Variants in AP3B2 observed in about 807,000 individuals in gnomAD.
AP3B2 encodes adaptor related protein complex 3 subunit beta 2, also known as AP-3 complex subunit beta-2.
AP3B2 carries 50 observed loss-of-function variants against 126.9 expected under a neutral mutation model. That is an observed-to-expected ratio of 0.39 (90% CI 0.31 to 0.50). AP3B2 has a LOEUF of 0.50. AP3B2 is among the 20% of genes least tolerant of loss of function. The pLI, the probability that AP3B2 is intolerant of heterozygous loss-of-function variation, is 0.79. For missense variants in AP3B2, 1,177 were observed against 1,426.4 expected, an observed-to-expected ratio of 0.83 and a Z score of 2.82; for synonymous variants, 541 against 565.0, an observed-to-expected ratio of 0.96 and a Z score of 0.60.
At chr15:82,694,419 C>T (rs1419749726) in intron 1 of AP3B2, among the ~76,000 whole-genome samples, 1 of 152,026 alleles carries the variant, frequency 6.6e-6, no homozygotes, top group Non-Finnish European at 1.5e-5. Context: ...GGCATGGTGG[C>T]TCACACTTGT....
At chr15:82,689,257 G>A in intron 2 of AP3B2, 25 bp from the exon 3 acceptor site, 3 of 1,613,782 alleles carry the variant, frequency 1.9e-6, no homozygotes, top group Non-Finnish European at 1.7e-6. Flanking sequence ...CAAGGTAGGG[G>A]AAGAGGGACA....
In AP3B2 at chr15:82,676,536, G is replaced by A. The variant is rs753855899; in HGVS notation, c.1590C>T (p.Phe530=). 3 of 1,614,022 alleles carry A rather than the reference G, an allele frequency of 1.9e-6. No homozygotes were observed. Among genetic ancestry groups the A allele is most frequent in the South Asian group, 1.1e-5 (1 of 91,078 alleles). ...GCTTGACAATATCCTCCTCTGCTGT[G>A]AATGACTTGGCCATTTTTCTTAAGA... ...PDVLRKMAKS[F]TAEEDIVKLQ... is the part of the protein sequence containing the mutation. Residue 530 remains phenylalanine (F), a synonymous_variant, in exon 14 of 27, where the codon TTC becomes TTT. Transcript: ENST00000535359.
intron 14 of AP3B2, among the ~76,000 whole-genome samples, chr15:82,669,723 C>T (rs1328683353): frequency 6.7e-6 from 1 of 150,312 alleles, no homozygotes; most frequent in Non-Finnish European, 1.5e-5. Context: ...ATTGTCCAGG[C>T]ACAGTGGCTC....
intron 25 of AP3B2, among the ~76,000 whole-genome samples, chr15:82,660,758 C>T (rs1200270512): frequency 4.6e-5 from 7 of 152,204 alleles, no homozygotes; most frequent in African/African-American, 1.4e-4. Context: ...ATAACATTTT[C>T]TTGTTTTTGT....
At chr15:82,706,530 A>G (rs1415391669) in intron 1 of AP3B2, among the ~76,000 whole-genome samples, 1 of 152,148 alleles carries the variant, frequency 6.6e-6, no homozygotes, top group Non-Finnish European at 1.5e-5. Flanking sequence ...TCAGGGCAAC[A>G]CTTATGCTGA....
In AP3B2 at chr15:82,664,439, G is replaced by C. The variant is rs761544331; in HGVS notation, c.2189C>G (p.Ser730Cys). Reference protein sequence around the residue: ...SDSKSSSESGSGESSSESDNE... With the variant: ...SDSKSSSESGCGESSSESDNE... Reference sequence around the variant, plus strand: ...GTCGGACTCACTGCTGGACTCCCCAGAGCCGCTCTCACTGCTGCTCTTACT... The same window carrying C: ...GTCGGACTCACTGCTGGACTCCCCACAGCCGCTCTCACTGCTGCTCTTACT... Residue 730 changes from serine to cysteine, a missense_variant, in exon 19 of 27, where the codon TCT becomes TGT. Transcript: ENST00000535359. This position sits in a 1 kb window ranked among gnomAD's most constrained non-coding sequence, Gnocchi z 4.5. The C allele has an allele frequency of 1.2e-5, 19 of 1,613,868 alleles. No homozygotes were observed. Among genetic ancestry groups the C allele is most frequent in the Middle Eastern group, 3.3e-4 (2 of 6,060 alleles).
At chr15:82,691,930 G>C in intron 1 of AP3B2, 1 of 1,340,386 alleles carries the variant, frequency 7.5e-7, no homozygotes, top group South Asian at 1.2e-5. Flanking sequence ...CTTCTTTTCT[G>C]AGATACTCAA....
At chr15:82,682,865 T>C (rs1429054588) in intron 4 of AP3B2, among the ~76,000 whole-genome samples, 1 of 151,836 alleles carries the variant, frequency 6.6e-6, no homozygotes, top group East Asian at 1.9e-4. Flanking sequence ...GGTAGGAGGA[T>C]TGCTTGAGCC....
At chr15:82,709,392 T>C (rs1220614952) in intron 1 of AP3B2, among the ~76,000 whole-genome samples, 6 of 151,682 alleles carry the variant, frequency 4.0e-5, no homozygotes, top group Non-Finnish European at 7.4e-5. Flanking sequence ...CTCCGCGTCC[T>C]AGGCCGGCCC....
Position 82,680,561 on chromosome 15 carries a change from C to A in AP3B2, c.966G>T (p.Met322Ile). The A allele has an allele frequency of 6.3e-7, 1 of 1,577,966 alleles. No homozygotes were observed. The part of the protein sequence containing the change: ...LLQSRSAAVV[M>I]AVAQLYFHLA... ...GGTGGAAGTAGAGCTGCGCCACCGC[C>A]ATCACCACCGCGGCGCTGCGGCTCT... Residue 322 changes from methionine (M) to isoleucine (I), a missense_variant, in exon 8 of 27, where the codon ATG becomes ATT. By Grantham distance (10) the Met-to-Ile change is conservative (BLOSUM62 1). Transcript: ENST00000535359. This position sits in a 1 kb window ranked among gnomAD's most constrained non-coding sequence, Gnocchi z 6.1.
chr15:82,696,101 G>A (rs2048625370), intron 1 of AP3B2, among the ~76,000 whole-genome samples: 1 of 152,098 alleles, frequency 6.6e-6, no homozygotes, highest in Admixed American at 6.5e-5. Flanking sequence ...TTCTTATAAA[G>A]AAATCAGTCA....
At chr15:82,683,047 G>GTTGTTTT (rs2048368390) in intron 4 of AP3B2, among the ~76,000 whole-genome samples, 1 of 77,716 alleles carries the variant, frequency 1.3e-5, no homozygotes, top group Non-Finnish European at 2.5e-5. Flanking sequence ...TGCACCAGGA[G>GTTGTTTT]TTTTTTTTTT....
chr15:82,680,382 G>A lies in AP3B2; in HGVS notation c.1055+90C>T. On this transcript the variant is annotated intron_variant, in intron 8 of 26. Coordinates refer to ENST00000535359, the MANE Select transcript of AP3B2 (RefSeq NM_001278512.2). The surrounding 1 kb of genome is among the most constrained non-coding windows in gnomAD (Gnocchi z 6.1). Reference sequence around the variant, plus strand: ...GTGGAGCGGGTGGGCAGAGGTGGAAGCGGCTGGTGGGCGTGAGGGGGCGGA... The same window carrying A: ...GTGGAGCGGGTGGGCAGAGGTGGAAACGGCTGGTGGGCGTGAGGGGGCGGA... The A allele has an allele frequency of 6.9e-7, 1 of 1,458,698 alleles. No homozygotes were observed. Among genetic ancestry groups the A allele is most frequent in the Middle Eastern group, 2.4e-4 (1 of 4,248 alleles). The allele number at this position is 1,458,698 out of a possible 1,614,324, so 90.4% of individuals were successfully genotyped here.
rs1171698097 is a variant in AP3B2, at chr15:82,676,563, A to G, written c.1563T>C (p.Asp521=). The stretch of plus-strand genomic sequence containing the variant: ...ATGACTTGGCCATTTTTCTTAAGAC[A>G]TCAGGTGCAATCCTGGGGACATGCT... ...YCEHVPRIAP[D]VLRKMAKSFT... The change falls in exon 14 of 27, where the codon GAT becomes GAC. Residue 521 remains aspartate (D), a synonymous_variant. Coordinates refer to ENST00000535359, the MANE Select transcript of AP3B2 (RefSeq NM_001278512.2). The G allele has an allele frequency of 2.5e-6, 4 of 1,613,984 alleles. No homozygotes were observed.
chr15:82,677,417 A>G lies in AP3B2; in HGVS notation c.1379-34T>C. ...CAAAAATGAGTGTGTGGACCCCAAG[A>G]CAGTCAGATGGCCACACTCAGGTGG... On this transcript the variant is annotated intron_variant, in intron 12 of 26. Coordinates refer to ENST00000535359, the MANE Select transcript of AP3B2 (RefSeq NM_001278512.2). 2.5e-6 allele frequency: 4 copies of G among 1,586,232 alleles called. 1 individual carries two copies. The highest frequency in any genetic ancestry group is 3.5e-6 in the Non-Finnish European group (4 of 1,159,002).
intron 1 of AP3B2, among the ~76,000 whole-genome samples, chr15:82,693,457 G>A (rs1415737735): frequency 6.6e-6 from 1 of 151,686 alleles, no homozygotes; most frequent in Non-Finnish European, 1.5e-5. Context: ...ATGTTGGTCA[G>A]GCTGGTCTCA....
At chr15:82,663,048 CCA>C in intron 22 of AP3B2, 77 bp downstream of exon 22, 1 of 1,484,198 alleles carries the variant, frequency 6.7e-7, no homozygotes. Flanking sequence ...CACCCACCCC[CCA>C]CACACATCCA....
At chr15:82,688,456 G>C (rs767098914) in intron 4 of AP3B2, 3 of 702,290 alleles carry the variant, frequency 4.3e-6, no homozygotes, top group Non-Finnish European at 7.8e-6. Context: ...ACTCTCCGGG[G>C]GCTCAAGTGG....
intron 9 of AP3B2, 104 bp from the exon 10 acceptor site, chr15:82,679,904 T>G: frequency 1.9e-6 from 2 of 1,067,736 alleles, no homozygotes; most frequent in Non-Finnish European, 1.4e-6. Flanking sequence ...GATCCTTGCC[T>G]CCTCACCACT....
Sources: allele counts gnomAD v4.1 joint callset (sites outside exome capture counted in the v4.1 genomes callset), GRCh38; gene constraint gnomAD v4.1.1; non-coding constraint Gnocchi (gnomAD v3.1); transcripts MANE v1.5; gene names NCBI Gene and HGNC (gene_info 2026-07-23, HGNC 2026-07-21).